HPSE2: variants seen among roughly 807,000 people sequenced by gnomAD.
The protein encoded by HPSE2 is inactive heparanase-2.
In HPSE2, 38 loss-of-function variants were observed where a neutral mutation model predicts 60.5. The ratio of observed to expected loss-of-function variants is 0.63; its 90% CI spans 0.48 to 0.82. The LOEUF (loss-of-function observed/expected upper bound fraction) is 0.82. Among genes scored for constraint, HPSE2 ranks in the 40% least tolerant of loss-of-function variants. The pLI, the probability that HPSE2 is intolerant of heterozygous loss-of-function variation, is 0.00. For synonymous variants in HPSE2, 295 were observed against 293.2 expected (o/e 1.01, Z -0.06); for missense variants, 713 against 740.4 (o/e 0.96, Z 0.43).
chr10:99,305,979 G>GCGCGCCCACACACACA, the HPSE2 span, among the ~76,000 whole-genome samples: 1 of 80,580 alleles, frequency 1.2e-5, no homozygotes, highest in Non-Finnish European at 2.4e-5. Flanking sequence ...GCGCGCGCGC[G>GCGCGCCCACACACACA]CACACACACA....
chr10:98,772,417 C>T lies in HPSE2; in HGVS notation c.611-28361G>A, dbSNP rs141901335. 3.7e-3 allele frequency among the ~76,000 whole-genome samples: 562 copies of T among 152,248 alleles called. 4 individuals carry two copies. Among genetic ancestry groups the T allele is most frequent in the African/African-American group, 0.013 (543 of 41,554 alleles). On this transcript the variant is annotated intron_variant, in intron 3 of 11. Coordinates refer to ENST00000370552, the MANE Select transcript of HPSE2 (RefSeq NM_021828.5). The stretch of plus-strand genomic sequence containing the variant: ...CCCGAGCCAATTTGCAGATCCAGAA[C>T]CCTTTGACTGAAGACATGGCCAGGA...
chr10:98,498,996 C>T lies in HPSE2; in HGVS notation c.1321-8800G>A, dbSNP rs964263613. Among the ~76,000 whole-genome samples the T allele has an allele frequency of 1.2e-4, 19 of 152,188 alleles. No homozygotes were observed. In the Middle Eastern group the frequency reaches 0.01, roughly 82 times the overall value. On this transcript the variant is annotated intron_variant, in intron 9 of 11. Coordinates refer to ENST00000370552, the MANE Select transcript of HPSE2 (RefSeq NM_021828.5). ...CATGAACAAAGCCTCCAAGAAGTCTCGGATTATGTTAAATGATGAAACCTA... is the reference window on the plus strand; with the variant it reads ...CATGAACAAAGCCTCCAAGAAGTCTTGGATTATGTTAAATGATGAAACCTA...
At chr10:98,472,733 T>C (rs942102770) in intron 11 of HPSE2, among the ~76,000 whole-genome samples, 1 of 152,200 alleles carries the variant, frequency 6.6e-6, no homozygotes, top group Non-Finnish European at 1.5e-5. Context: ...ATTTCAAGAA[T>C]GTAAATTCAT....
chr10:99,142,999 T>G (rs572619438), intron 3 of HPSE2, among the ~76,000 whole-genome samples: 1 of 152,060 alleles, frequency 6.6e-6, no homozygotes, highest in Non-Finnish European at 1.5e-5. Flanking sequence ...CAAATACATA[T>G]GAGGTTGACT....
chr10:99,242,066 AGG>A, the HPSE2 span, among the ~76,000 whole-genome samples: 1 of 152,168 alleles, frequency 6.6e-6, no homozygotes, highest in Admixed American at 6.6e-5. Context: ...ATTTTCTACT[AGG>A]AAAGGGAAAA....
chr10:99,240,724 T>C (rs762588009), upstream of HPSE2, among the ~76,000 whole-genome samples: 5 of 152,170 alleles, frequency 3.3e-5, no homozygotes, highest in Admixed American at 2.0e-4. Flanking sequence ...CAATGATTTC[T>C]TTTGACTTTT....
chr10:99,039,736 A>G (rs1004918484), intron 3 of HPSE2, among the ~76,000 whole-genome samples: 4 of 152,054 alleles, frequency 2.6e-5, no homozygotes, highest in African/African-American at 9.7e-5. Context: ...CAAGCTAGGG[A>G]TTATAGCACA....
At chr10:99,099,711 T>C (rs1472541288) in intron 3 of HPSE2, among the ~76,000 whole-genome samples, 4 of 152,100 alleles carry the variant, frequency 2.6e-5, no homozygotes, top group African/African-American at 7.2e-5. Context: ...GGGTCCCTGA[T>C]CCCCGAGTAG....
intron 3 of HPSE2, among the ~76,000 whole-genome samples, chr10:99,040,386 G>T (rs1271476543): frequency 2.0e-5 from 3 of 152,070 alleles, no homozygotes; most frequent in African/African-American, 7.2e-5. Context: ...TAGAGTCCTA[G>T]ATTTAGGATT....
In HPSE2 at chr10:98,932,603, C is replaced by CTT. The variant is rs35173219; in HGVS notation, c.611-188549_611-188548dup. 4.8e-5 allele frequency among the ~76,000 whole-genome samples: 6 copies of CTT among 126,008 alleles called. 1 individual carries two copies. Among genetic ancestry groups the CTT allele is most frequent in the African/African-American group, 1.7e-4 (5 of 28,854 alleles). The allele number at this position is 126,008 out of a possible 152,430, so 82.7% of individuals were successfully genotyped here. On this transcript the variant is annotated intron_variant, in intron 3 of 11. Transcript: ENST00000370552. ...AGCTGTAACTCCATCTGGAGCTGGG[C>CTT]TTTTTTTTTTTTTTGGCTGGTAGGC... is the stretch of plus-strand genomic sequence containing the variant.
intron 3 of HPSE2, among the ~76,000 whole-genome samples, chr10:98,925,363 G>GTT (rs1954422550): frequency 3.1e-5 from 2 of 65,544 alleles, no homozygotes; most frequent in African/African-American, 7.4e-5. Flanking sequence ...ATTTTAATTG[G>GTT]CTTTTTTTTT....
At chr10:98,699,099 C>T (rs947980357) in intron 5 of HPSE2, among the ~76,000 whole-genome samples, 24 of 151,790 alleles carry the variant, frequency 1.6e-4, no homozygotes, top group African/African-American at 5.6e-4. Context: ...TGAAACTATT[C>T]CAATCAATAG....
intron 9 of HPSE2, among the ~76,000 whole-genome samples, chr10:98,527,459 C>T (rs1352789270): frequency 6.6e-6 from 1 of 151,930 alleles, no homozygotes; most frequent in African/African-American, 2.4e-5. Context: ...ACCCTCTGGA[C>T]CCTCTCCCTT....
intron 2 of HPSE2, among the ~76,000 whole-genome samples, chr10:99,228,593 G>C (rs1264885618): frequency 6.6e-6 from 1 of 152,182 alleles, no homozygotes; most frequent in Non-Finnish European, 1.5e-5. Context: ...GAACAAAAAG[G>C]AAGTTAGGCA....
chr10:98,482,502 C>A (rs1416134894), intron 11 of HPSE2, 134 bp downstream of exon 11: 2 of 1,079,710 alleles, frequency 1.9e-6, no homozygotes, highest in Non-Finnish European at 2.9e-6. Flanking sequence ...GTCACCTGAC[C>A]CCAGACCGCT....
chr10:99,281,946 T>A, the HPSE2 span, among the ~76,000 whole-genome samples: 1 of 150,742 alleles, frequency 6.6e-6, no homozygotes, highest in East Asian at 2.0e-4. Flanking sequence ...GAAAAAAAAA[T>A]AGATTTAAGC....
At chr10:98,562,720 A>G (rs1165848738) in intron 9 of HPSE2, among the ~76,000 whole-genome samples, 7 of 151,528 alleles carry the variant, frequency 4.6e-5, no homozygotes, top group African/African-American at 1.7e-4. Flanking sequence ...GTCTCAAAAA[A>G]AAAAAAAAAA....
At chr10:98,576,814 G>GTCTT (rs10690857) in intron 9 of HPSE2, among the ~76,000 whole-genome samples, 86,017 of 151,284 alleles carry the variant, frequency 0.57, 24,620 homozygotes, top group Middle Eastern at 0.65. Flanking sequence ...GTTCTCTATA[G>GTCTT]TCTATTGGAT....
intron 3 of HPSE2, among the ~76,000 whole-genome samples, chr10:98,771,613 A>G (rs551359954): frequency 2.0e-5 from 3 of 152,334 alleles, no homozygotes; most frequent in African/African-American, 4.8e-5. Flanking sequence ...GCTAAGATGT[A>G]TCAATAGGAG....
Sources: gnomAD v4.1 joint callset for allele counts (sites outside exome capture counted in the v4.1 genomes callset) on GRCh38, gnomAD v4.1.1 for gene constraint, MANE v1.5 for transcripts, NCBI Gene and HGNC (gene_info 2026-07-23, HGNC 2026-07-21) for gene names.